The following TENM2 variants were observed in gnomAD, a reference collection of about 807,000 sequenced individuals.
The protein encoded by TENM2 is teneurin-2.
In TENM2, 52 loss-of-function variants were observed where a neutral mutation model predicts 245.2. The ratio of observed to expected loss-of-function variants is 0.21; its 90% CI spans 0.17 to 0.27. TENM2 has a LOEUF of 0.27. TENM2 is among the 10% of genes least tolerant of loss of function. The pLI is 1.00. For missense variants in TENM2, 3,046 were observed against 3,666.8 expected (o/e 0.83, Z 4.37); for synonymous variants, 1,363 against 1,438.9 (o/e 0.95, Z 1.19).
chr5:168,016,495 A>G (rs1785664102), intron 5 of TENM2, among the ~76,000 whole-genome samples: 3 of 152,258 alleles, frequency 2.0e-5, no homozygotes, highest in Admixed American at 1.3e-4. Context: ...GCATAAATCA[A>G]ATAACTTGCT....
At chr5:167,142,332 A>G in the TENM2 span, among the ~76,000 whole-genome samples, 2 of 151,996 alleles carry the variant, frequency 1.3e-5, no homozygotes, top group Admixed American at 1.3e-4. Context: ...ATGTTAAGAT[A>G]ATGGCACTTC....
intron 5 of TENM2, among the ~76,000 whole-genome samples, chr5:167,996,547 A>G (rs1176598005): frequency 1.3e-5 from 2 of 152,194 alleles, no homozygotes; most frequent in Admixed American, 6.5e-5. Flanking sequence ...TACTTTCATT[A>G]CCTGCACCAC....
chr5:167,016,273 CAAACAAACAAAA>C, the TENM2 span, among the ~76,000 whole-genome samples: 1 of 46,248 alleles, frequency 2.2e-5, no homozygotes, highest in African/African-American at 5.2e-5. Flanking sequence ...AACAAACAAA[CAAACAAACAAAA>C]AAAAAAAAAA....
At chr5:167,995,042 C>G (rs1209927033) in intron 5 of TENM2, among the ~76,000 whole-genome samples, 1 of 152,154 alleles carries the variant, frequency 6.6e-6, no homozygotes, top group Non-Finnish European at 1.5e-5. Flanking sequence ...ACTTCTCAGG[C>G]TTAATGTTCT....
At chr5:167,079,533 G>C in the TENM2 span, among the ~76,000 whole-genome samples, 4 of 151,020 alleles carry the variant, frequency 2.6e-5, no homozygotes, top group East Asian at 7.8e-4. Flanking sequence ...GGCTGGTCTT[G>C]AACTCCCGAC....
intron 3 of TENM2, among the ~76,000 whole-genome samples, chr5:167,916,335 G>A (rs1044031627): frequency 6.6e-6 from 1 of 152,202 alleles, no homozygotes; most frequent in Non-Finnish European, 1.5e-5. Context: ...ACCTTCAGAC[G>A]TTATTGTACT....
At chr5:167,213,429 G>A in the TENM2 span, among the ~76,000 whole-genome samples, 3 of 152,142 alleles carry the variant, frequency 2.0e-5, no homozygotes, top group East Asian at 5.8e-4. Context: ...GGTCTCTTTT[G>A]TAAAGATACT....
chr5:167,206,321 T>A, the TENM2 span, among the ~76,000 whole-genome samples: 1 of 152,312 alleles, frequency 6.6e-6, no homozygotes, highest in East Asian at 1.9e-4. Context: ...TGTGTTTTAT[T>A]ATTTCTCTCC....
intron 2 of TENM2, among the ~76,000 whole-genome samples, chr5:167,627,004 G>A (rs186193125): frequency 6.6e-6 from 1 of 152,202 alleles, no homozygotes; most frequent in Non-Finnish European, 1.5e-5. Flanking sequence ...TGCAACCAAG[G>A]GAGCATAACA....
intron 5 of TENM2, among the ~76,000 whole-genome samples, chr5:168,038,481 C>T (rs555525313): frequency 6.6e-6 from 1 of 152,330 alleles, no homozygotes; most frequent in African/African-American, 2.4e-5. Flanking sequence ...TATGCCTCCA[C>T]TCCTTCCTCC....
intron 22 of TENM2, among the ~76,000 whole-genome samples, chr5:168,217,371 C>A (rs1261669276): frequency 6.6e-6 from 1 of 152,208 alleles, no homozygotes; most frequent in Non-Finnish European, 1.5e-5. Context: ...TACAATATCA[C>A]CCAAAGTGTG....
At chr5:167,169,947 C>T in the TENM2 span, among the ~76,000 whole-genome samples, 1 of 152,142 alleles carries the variant, frequency 6.6e-6, no homozygotes, top group African/African-American at 2.4e-5. Flanking sequence ...TATCACCATA[C>T]CATGGAAAGT....
intron 5 of TENM2, among the ~76,000 whole-genome samples, chr5:168,003,561 A>G (rs1176268104): frequency 2.0e-5 from 3 of 152,200 alleles, no homozygotes; most frequent in Non-Finnish European, 1.5e-5. Flanking sequence ...ATAGGAGGGG[A>G]AAATGGCACC....
At chr5:168,161,817 T>TACACACACACACACACACAC (rs113801768) in intron 12 of TENM2, among the ~76,000 whole-genome samples, 25 of 147,358 alleles carry the variant, frequency 1.7e-4, no homozygotes, top group African/African-American at 6.0e-4. Context: ...AGCGCATGTA[T>TACACACACACACACACACAC]ACACACACAC....
In TENM2 at chr5:167,993,262, C is replaced by A. The variant is rs1427031691; in HGVS notation, c.1186+80C>A. ...GGCCATGGACTTGTGAATCTAGAGG[C>A]CCTCTGATGTCTGTACAGTTTGCTT... is the stretch of plus-strand genomic sequence containing the variant. On this transcript the variant is annotated intron_variant, in intron 5 of 28. Transcript: ENST00000518659. 1.1e-5 allele frequency: 12 copies of A among 1,128,622 alleles called. No individual in the cohort carries two copies. The East Asian group carries it at 1.7e-4, about 16-fold the overall frequency. 69.9% of individuals were successfully genotyped at this position (1,128,622 alleles called of 1,614,324 possible).
chr5:168,145,452 G>T (rs1437842102), intron 12 of TENM2, among the ~76,000 whole-genome samples: 3,139 of 131,344 alleles, frequency 0.024, 128 homozygotes, highest in African/African-American at 0.085. Context: ...TTTCCCCATT[G>T]CTTGTTTTTC....
At chr5:167,351,147 T>A (rs965062206) in intron 1 of TENM2, among the ~76,000 whole-genome samples, 2 of 133,996 alleles carry the variant, frequency 1.5e-5, no homozygotes, top group African/African-American at 5.1e-5. Flanking sequence ...GATATATACA[T>A]ATGGATTATA....
intron 3 of TENM2, among the ~76,000 whole-genome samples, chr5:167,876,738 T>C (rs1422731427): frequency 6.6e-6 from 1 of 152,118 alleles, no homozygotes; most frequent in Non-Finnish European, 1.5e-5. Flanking sequence ...GTTTGGGGGG[T>C]GACCTCTCCT....
chr5:167,455,455 G>GTTTTTTT (rs10666572), intron 2 of TENM2, among the ~76,000 whole-genome samples: 1 of 141,846 alleles, frequency 7.0e-6, no homozygotes, highest in African/African-American at 2.6e-5. Context: ...TGTATGTGTA[G>GTTTTTTT]TTTTTTTTTT....
Sources: allele counts gnomAD v4.1 joint callset (sites outside exome capture counted in the v4.1 genomes callset), GRCh38; gene constraint gnomAD v4.1.1; transcripts MANE v1.5; gene names NCBI Gene and HGNC (gene_info 2026-07-23, HGNC 2026-07-21).